The following MECR variants were observed in gnomAD, a reference collection of about 807,000 sequenced individuals.
MECR encodes enoyl-[acyl-carrier-protein] reductase, mitochondrial.
A neutral mutation model predicts 49.1 loss-of-function variants in MECR; 37 were observed. That is an observed-to-expected ratio of 0.75 (90% confidence interval 0.58 to 0.99). The LOEUF is 0.99. Ranked by LOEUF, MECR falls within the 50% of genes least tolerant of loss-of-function variation. The pLI is 0.00. For missense variants in MECR, 470 were observed against 479.6 expected (o/e 0.98, Z 0.19); for synonymous variants, 198 against 191.1 (o/e 1.04, Z -0.30).
At chr1:29,186,312 G>A in the MECR span, among the ~76,000 whole-genome samples, 13 of 152,132 alleles carry the variant, frequency 8.5e-5, no homozygotes, top group African/African-American at 3.1e-4. Context: ...TTTGATATGC[G>A]CTACTTCCTC....
At chr1:29,181,636 C>G in the MECR span, 6 of 1,579,324 alleles carry the variant, frequency 3.8e-6, no homozygotes, top group Non-Finnish European at 5.2e-6. Context: ...CCCTCTTTCG[C>G]CCTCCTCACC....
chr1:29,208,153 C>T lies in MECR; in HGVS notation c.407-1248G>A, dbSNP rs567140876. On this transcript the variant is annotated intron_variant, in intron 3 of 9. Transcript: ENST00000263702. ...GATTACAGGCACCTGCCACCACGCCCGGCTAATTTTTGTATTTTTAGTAGA... is the reference window on the plus strand; with the variant it reads ...GATTACAGGCACCTGCCACCACGCCTGGCTAATTTTTGTATTTTTAGTAGA... Among the ~76,000 whole-genome samples the T allele has an allele frequency of 5.9e-5, 9 of 152,276 alleles. No homozygotes were observed. In the South Asian group the frequency reaches 1.4e-3, roughly 25 times the overall value.
At chr1:29,182,057 G>C in the MECR span, 21 of 272,404 alleles carry the variant, frequency 7.7e-5, no homozygotes, top group African/African-American at 3.4e-4. Flanking sequence ...GACAGGCGGC[G>C]CTGCGGCACG....
chr1:29,224,516 T>C (rs1384653450), intron 1 of MECR: 1 of 152,220 alleles, frequency 6.6e-6, no homozygotes, highest in Non-Finnish European at 1.5e-5. Context: ...CGTCTCATGA[T>C]AATTTCCATG....
At chr1:29,196,369 C>A in intron 7 of MECR, 111 bp from the exon 8 acceptor site, 1 of 958,384 alleles carries the variant, frequency 1.0e-6, no homozygotes, top group South Asian at 1.7e-5. Context: ...ACCCTGCTCT[C>A]AGAATCTCTG....
chr1:29,204,154 G>A (rs535836955), intron 4 of MECR, among the ~76,000 whole-genome samples: 84 of 152,226 alleles, frequency 5.5e-4, no homozygotes, highest in Non-Finnish European at 1.0e-3. Context: ...GGGAGGTGGA[G>A]GTTGCAGTGA....
intron 1 of MECR, among the ~76,000 whole-genome samples, chr1:29,225,394 C>T (rs535328804): frequency 1.2e-4 from 18 of 152,208 alleles, no homozygotes; most frequent in African/African-American, 4.3e-4. Context: ...AGTTTACACC[C>T]TGTCTCTTCA....
chr1:29,173,116 AT>A, the MECR span: 17 of 149,938 alleles, frequency 1.1e-4, no homozygotes, highest in Middle Eastern at 7.0e-3. Context: ...TTATTCTCTA[AT>A]GAGTCAAAAA....
chr1:29,205,851 G>A (rs1000993362), intron 4 of MECR, among the ~76,000 whole-genome samples: 7 of 152,030 alleles, frequency 4.6e-5, no homozygotes, highest in Non-Finnish European at 7.4e-5. Context: ...GTAGTTGCCC[G>A]CAGCAGTAAC....
At chr1:29,183,945 T>A in the MECR span, among the ~76,000 whole-genome samples, 1 of 151,250 alleles carries the variant, frequency 6.6e-6, no homozygotes, top group South Asian at 2.1e-4. Context: ...AGCGGTGCGA[T>A]CTCAGCTCAC....
In MECR at chr1:29,196,271, A is replaced by C. The variant is rs1304370508; in HGVS notation, c.831-13T>G. 6.2e-7 allele frequency: 1 copy of C among 1,604,124 alleles called. No individual in the cohort carries two copies. Among genetic ancestry groups the C allele is most frequent in the Non-Finnish European group, 8.5e-7 (1 of 1,173,018 alleles). ...GGTTCCTCCACGCCTGAAAAGTCCA[A>C]AGAGAACAAAGAGTGGATGCAAGGC... On this transcript the variant is annotated splice_polypyrimidine_tract_variant and intron_variant, in intron 7 of 9. Transcript: ENST00000263702.
chr1:29,201,303 T>G lies in MECR; in HGVS notation c.756+640A>C. On this transcript the variant is annotated intron_variant, in intron 6 of 9. Transcript: ENST00000263702. The surrounding 1 kb of genome is among the most constrained non-coding windows in gnomAD (Gnocchi z 4.3). ...TTCAGAAATGTTCGCAAGAAGCGCA[T>G]GCTCTTGAGTGTGTGTCTTTGGTTC... The G allele has an allele frequency of 6.1e-6, 3 of 488,626 alleles. No homozygotes were observed. The highest frequency in any genetic ancestry group is 1.2e-5 in the Non-Finnish European group (3 of 242,984). 30.3% of individuals were successfully genotyped at this position (488,626 alleles called of 1,614,324 possible).
At chr1:29,181,860 G>A in the MECR span, 1 of 925,444 alleles carries the variant, frequency 1.1e-6, no homozygotes, top group Non-Finnish European at 1.5e-6. Flanking sequence ...GCGGGCGGCG[G>A]GACGGACGCA....
chr1:29,203,385 G>T, intron 4 of MECR, 152 bp from the exon 5 acceptor site: 1 of 583,734 alleles, frequency 1.7e-6, no homozygotes, highest in Non-Finnish European at 3.0e-6. Context: ...ACCTTCCACT[G>T]TTTCTCACTG....
chr1:29,192,466 C>G (rs1673179754), downstream of MECR, among the ~76,000 whole-genome samples: 1 of 152,172 alleles, frequency 6.6e-6, no homozygotes, highest in Non-Finnish European at 1.5e-5. Flanking sequence ...CTGAACACCT[C>G]CATGTCAGTG....
chr1:29,198,999 G>A (rs1674676427), intron 7 of MECR, among the ~76,000 whole-genome samples: 1 of 152,146 alleles, frequency 6.6e-6, no homozygotes, highest in African/African-American at 2.4e-5. Context: ...TAAGTCAAGC[G>A]CTGCACACAG....
chr1:29,197,017 C>A (rs1290878333), intron 7 of MECR, among the ~76,000 whole-genome samples: 3 of 152,064 alleles, frequency 2.0e-5, no homozygotes, highest in Admixed American at 2.0e-4. Context: ...CAAAACAAAA[C>A]AACCAAGAAA....
chr1:29,191,558 G>C (rs746181552), downstream of MECR, among the ~76,000 whole-genome samples: 7 of 152,098 alleles, frequency 4.6e-5, no homozygotes, highest in Non-Finnish European at 8.8e-5. Flanking sequence ...TCCTTCTAAG[G>C]CTTTTTTCAC....
chr1:29,176,444 C>T, the MECR span, among the ~76,000 whole-genome samples: 1 of 149,484 alleles, frequency 6.7e-6, no homozygotes, highest in Non-Finnish European at 1.5e-5. Flanking sequence ...CGATGAATGA[C>T]AGAGCCTTGG....
Sources: gnomAD v4.1 joint callset for allele counts (sites outside exome capture counted in the v4.1 genomes callset) on GRCh38, gnomAD v4.1.1 for gene constraint, Gnocchi (gnomAD v3.1) non-coding constraint, MANE v1.5 for transcripts, NCBI Gene and HGNC (gene_info 2026-07-23, HGNC 2026-07-21) for gene names.